Variants in PCDHGB4 observed in about 807,000 individuals in gnomAD.
The protein encoded by PCDHGB4 is protocadherin gamma subfamily B, 4.
In PCDHGB4, 38 loss-of-function variants were observed where a neutral mutation model predicts 60.5. That is an observed-to-expected ratio of 0.63 (90% CI 0.48 to 0.82). The LOEUF (loss-of-function observed/expected upper bound fraction) is 0.82. PCDHGB4 is among the 40% of genes least tolerant of loss of function. The pLI is 0.00. For missense variants in PCDHGB4, 1,109 were observed against 1,209.6 expected (o/e 0.92, Z 1.23); for synonymous variants, 456 against 509.7 (o/e 0.89, Z 1.42).
intron 2 of PCDHGB4, 91 bp from the exon 3 acceptor site, chr5:141,505,302 G>C: frequency 6.3e-7 from 1 of 1,592,714 alleles, no homozygotes. Context: ...TAGGGTTAGG[G>C]TACTAGGTTT....
At chr5:141,458,081 GTAAGT>G (rs2098936973) in intron 1 of PCDHGB4, among the ~76,000 whole-genome samples, 1 of 152,186 alleles carries the variant, frequency 6.6e-6, no homozygotes, top group Non-Finnish European at 1.5e-5. Context: ...CTATATTGCC[GTAAGT>G]TAAGAGTACT....
intron 1 of PCDHGB4, among the ~76,000 whole-genome samples, chr5:141,467,707 G>A (rs1203906639): frequency 6.6e-6 from 1 of 152,140 alleles, no homozygotes; most frequent in Non-Finnish European, 1.5e-5. Flanking sequence ...TGTTGCCCAG[G>A]CTGGAGTGTA....
At chr5:141,415,982 T>G in intron 1 of PCDHGB4, 1 of 342,492 alleles carries the variant, frequency 2.9e-6, no homozygotes, top group Non-Finnish European at 4.9e-6. Flanking sequence ...AGCAACCCTC[T>G]TGTTCTGAAG....
At chr5:141,414,932 C>T (rs770025434) in intron 1 of PCDHGB4, 3 of 1,614,162 alleles carry the variant, frequency 1.9e-6, no homozygotes, top group Middle Eastern at 1.7e-4. Context: ...CCCCGCTCCG[C>T]AGAGCCCGGC....
At chr5:141,452,954 T>A (rs1315313825) in intron 1 of PCDHGB4, among the ~76,000 whole-genome samples, 5 of 152,220 alleles carry the variant, frequency 3.3e-5, no homozygotes, top group Non-Finnish European at 1.5e-5. Context: ...ATTGGTTGTC[T>A]TTAAACTGAG....
Position 141,485,399 on chromosome 5 carries a change from C to T in PCDHGB4, c.2398-9408C>T. On this transcript the variant is annotated intron_variant, in intron 1 of 3. Coordinates refer to ENST00000519479, the MANE Select transcript of PCDHGB4 (RefSeq NM_003736.4). This position sits in a 1 kb window ranked among gnomAD's most constrained non-coding sequence, Gnocchi z 5.7. ...TGGAGAGGTGAACCAAAGACACTTC[C>T]GTGTGGATTTGGACAGCGGAGCCCT... 3 of 1,614,000 alleles carry T rather than the reference C, an allele frequency of 1.9e-6. No homozygotes were observed. The highest frequency in any genetic ancestry group is 2.5e-6 in the Non-Finnish European group (3 of 1,179,922).
At chr5:141,402,361 T>G (rs2094255838) in intron 1 of PCDHGB4, among the ~76,000 whole-genome samples, 1 of 151,992 alleles carries the variant, frequency 6.6e-6, no homozygotes, top group Admixed American at 6.6e-5. Flanking sequence ...ATGAATGTAC[T>G]TCCAAACAAG....
Position 141,486,429 on chromosome 5 carries a change from C to G in PCDHGB4, c.2398-8378C>G, listed in dbSNP as rs2099629385. On this transcript the variant is annotated intron_variant, in intron 1 of 3. Transcript: ENST00000519479. The surrounding 1 kb of genome is among the most constrained non-coding windows in gnomAD (Gnocchi z 5.0). ...GGACCCTTGGATCGAGAGGCCAAAT[C>G]TAGCTATGACATCATGGTCACTGCT... 1.1e-5 allele frequency: 17 copies of G among 1,614,192 alleles called. No homozygotes were observed. Among genetic ancestry groups the G allele is most frequent in the Non-Finnish European group, 1.4e-5 (17 of 1,180,008 alleles).
intron 1 of PCDHGB4, chr5:141,408,186 G>A (rs529140572): frequency 1.7e-4 from 266 of 1,542,242 alleles, no homozygotes; most frequent in Non-Finnish European, 2.2e-4. Flanking sequence ...GGGACCCAGC[G>A]AGAACCCGAG....
intron 1 of PCDHGB4, chr5:141,403,279 G>C (rs779882720): frequency 6.2e-7 from 1 of 1,613,900 alleles, no homozygotes. Flanking sequence ...TTAAAGTCCT[G>C]GTTGAAGACA....
At chr5:141,433,381 A>ATCTG (rs1561869478) in intron 1 of PCDHGB4, among the ~76,000 whole-genome samples, 2 of 151,148 alleles carry the variant, frequency 1.3e-5, no homozygotes, top group Non-Finnish European at 2.9e-5. Flanking sequence ...CTATCTATCT[A>ATCTG]TCTATCTATC....
In PCDHGB4 at chr5:141,489,522, C is replaced by T. The variant is rs371948070; in HGVS notation, c.2398-5285C>T. 2.5e-6 allele frequency: 4 copies of T among 1,614,088 alleles called. No individual in the cohort carries two copies. Among genetic ancestry groups the T allele is most frequent in the Non-Finnish European group, 3.4e-6 (4 of 1,180,036 alleles). On this transcript the variant is annotated intron_variant, in intron 1 of 3. Coordinates refer to ENST00000519479, the MANE Select transcript of PCDHGB4 (RefSeq NM_003736.4). The surrounding 1 kb of genome is among the most constrained non-coding windows in gnomAD (Gnocchi z 4.5). ...TGAATCAAAAGATTGACCGAGAAAG[C>T]CTATGTGGAGCCAGCACCAGCTGCC...
At chr5:141,474,332 G>A (rs1427828070) in intron 1 of PCDHGB4, among the ~76,000 whole-genome samples, 1 of 152,168 alleles carries the variant, frequency 6.6e-6, no homozygotes, top group Non-Finnish European at 1.5e-5. Flanking sequence ...TCACCCTGAT[G>A]TTTTGTTAAA....
At chr5:141,445,046 G>A (rs181806844) in intron 1 of PCDHGB4, among the ~76,000 whole-genome samples, 1 of 152,248 alleles carries the variant, frequency 6.6e-6, no homozygotes, top group East Asian at 1.9e-4. Context: ...AGTTTTCAGT[G>A]TAGAGAGGTC....
chr5:141,497,473 AGGT>A (rs2099776769), intron 2 of PCDHGB4, among the ~76,000 whole-genome samples: 1 of 151,750 alleles, frequency 6.6e-6, no homozygotes. Flanking sequence ...ATGGAGGAGA[AGGT>A]GCGGAACCTC....
chr5:141,403,109 G>T, intron 1 of PCDHGB4: 2 of 1,614,074 alleles, frequency 1.2e-6, no homozygotes, highest in Non-Finnish European at 1.7e-6. Flanking sequence ...CAAGGACCTG[G>T]CTCTGGAGCC....
chr5:141,506,935 G>A (rs1375246477), intron 3 of PCDHGB4, among the ~76,000 whole-genome samples: 3 of 152,116 alleles, frequency 2.0e-5, no homozygotes, highest in African/African-American at 7.2e-5. Context: ...AACTTTAGGG[G>A]CCTCCTGTCA....
chr5:141,474,900 T>C (rs577411783), intron 1 of PCDHGB4, among the ~76,000 whole-genome samples: 2 of 152,368 alleles, frequency 1.3e-5, no homozygotes, highest in South Asian at 2.1e-4. Flanking sequence ...TCATTTCTTG[T>C]TCAAGGATAT....
intron 1 of PCDHGB4, among the ~76,000 whole-genome samples, chr5:141,483,014 G>A (rs1401419953): frequency 1.3e-5 from 2 of 152,184 alleles, no homozygotes; most frequent in Non-Finnish European, 2.9e-5. Context: ...GAACCCGGGA[G>A]GCAGAGGTTG....
Sources: allele counts gnomAD v4.1 joint callset (sites outside exome capture counted in the v4.1 genomes callset), GRCh38; gene constraint gnomAD v4.1.1; non-coding constraint Gnocchi (gnomAD v3.1); transcripts MANE v1.5; gene names NCBI Gene and HGNC (gene_info 2026-07-23, HGNC 2026-07-21).